Variants in FAR2 observed in about 807,000 individuals in gnomAD.
FAR2 encodes fatty acyl-CoA reductase 2, also known as epididymis secretory protein Li 81.
In FAR2, 19 loss-of-function variants were observed where a neutral mutation model predicts 56.0. The observed-to-expected ratio is 0.34, with a 90% confidence interval of 0.24 to 0.50. FAR2 has a LOEUF of 0.50. Among genes scored for constraint, FAR2 ranks in the 20% least tolerant of loss-of-function variants. The pLI is 0.98. For missense variants in FAR2, 508 were observed against 642.2 expected (o/e 0.79, Z 2.26); for synonymous variants, 219 against 218.8 (o/e 1.00, Z -0.01).
At chr12:29,325,651 C>A (rs1239106295) in intron 10 of FAR2, among the ~76,000 whole-genome samples, 1 of 152,150 alleles carries the variant, frequency 6.6e-6, no homozygotes, top group Non-Finnish European at 1.5e-5. Flanking sequence ...TCAGTGACTA[C>A]TGGGTACATA....
chr12:29,169,743 T>C (rs942054453), intron 1 of FAR2, among the ~76,000 whole-genome samples: 1 of 152,172 alleles, frequency 6.6e-6, no homozygotes, highest in African/African-American at 2.4e-5. Flanking sequence ...AGAGTAAGGA[T>C]AGATTTTGTT....
chr12:29,182,720 A>G (rs1439194596), intron 1 of FAR2, among the ~76,000 whole-genome samples: 1 of 152,200 alleles, frequency 6.6e-6, no homozygotes, highest in African/African-American at 2.4e-5. Context: ...TAGTTGGGCC[A>G]AGAGTGGATG....
chr12:29,239,718 C>A (rs1265322959), intron 1 of FAR2, among the ~76,000 whole-genome samples: 1 of 152,098 alleles, frequency 6.6e-6, no homozygotes, highest in African/African-American at 2.4e-5. Flanking sequence ...TATCCTTCAA[C>A]AATGTAATAA....
chr12:29,256,871 C>T (rs933678256), intron 1 of FAR2, among the ~76,000 whole-genome samples: 1 of 152,258 alleles, frequency 6.6e-6, no homozygotes, highest in African/African-American at 2.4e-5. Context: ...GCCTTAGCTG[C>T]CTTCCTGTGG....
At chr12:29,167,921 GA>G (rs1327996195) in intron 1 of FAR2, among the ~76,000 whole-genome samples, 1 of 152,212 alleles carries the variant, frequency 6.6e-6, no homozygotes, top group Non-Finnish European at 1.5e-5. Flanking sequence ...TAAGGATAGT[GA>G]TGGGAATTGT....
At chr12:29,236,845 A>G (rs1224572030) in intron 1 of FAR2, among the ~76,000 whole-genome samples, 1 of 151,314 alleles carries the variant, frequency 6.6e-6, no homozygotes, top group African/African-American at 2.4e-5. Context: ...ATTTTGAAAT[A>G]TAAGAAAACC....
intron 1 of FAR2, among the ~76,000 whole-genome samples, chr12:29,259,012 A>T (rs1436501598): frequency 6.6e-6 from 1 of 152,244 alleles, no homozygotes; most frequent in Non-Finnish European, 1.5e-5. Flanking sequence ...TGAATGATTT[A>T]TCATAAAGTA....
chr12:29,241,956 C>G (rs191283766), intron 1 of FAR2, among the ~76,000 whole-genome samples: 1 of 152,198 alleles, frequency 6.6e-6, no homozygotes, highest in Non-Finnish European at 1.5e-5. Context: ...TCACCTCAGC[C>G]CATGTATTCT....
Position 29,302,375 on chromosome 12 carries a change from T to G in FAR2, c.545+5175T>G, listed in dbSNP as rs550828633. Among the ~76,000 whole-genome samples, 95 of 150,268 alleles carry G rather than the reference T, an allele frequency of 6.3e-4. No homozygotes were observed. In the South Asian group the frequency reaches 0.018, roughly 29 times the overall value. On this transcript the variant is annotated intron_variant, in intron 4 of 11. Coordinates refer to ENST00000536681, the MANE Select transcript of FAR2 (RefSeq NM_001271783.2). ...GGGAAACAGGTCATATTAAGTCTGGTGGAGTGGAGGGAGGCATATGAGAAG... is the reference window on the plus strand; with the variant it reads ...GGGAAACAGGTCATATTAAGTCTGGGGGAGTGGAGGGAGGCATATGAGAAG...
At chr12:29,325,965 T>C (rs887747177) in intron 10 of FAR2, among the ~76,000 whole-genome samples, 11 of 152,146 alleles carry the variant, frequency 7.2e-5, no homozygotes, top group African/African-American at 2.7e-4. Flanking sequence ...ATCCAGGAGC[T>C]GGTTTTTTGA....
In FAR2 at chr12:29,238,386, T is replaced by C. The variant is rs117608219; in HGVS notation, c.-38-32026T>C. On this transcript the variant is annotated intron_variant, in intron 1 of 11. Coordinates refer to ENST00000536681, the MANE Select transcript of FAR2 (RefSeq NM_001271783.2). Reference sequence around the variant, plus strand: ...AGTGCCAATTTTCTCTCTCTCTGTATATATGTATTTTATCTTGGAAAATAT... The same window carrying C: ...AGTGCCAATTTTCTCTCTCTCTGTACATATGTATTTTATCTTGGAAAATAT... Among the ~76,000 whole-genome samples, 61 of 152,294 alleles carry C rather than the reference T, an allele frequency of 4.0e-4. 1 individual carries two copies. In the East Asian group the frequency reaches 0.012, roughly 29 times the overall value.
intron 1 of FAR2, among the ~76,000 whole-genome samples, chr12:29,256,800 A>C (rs963788152): frequency 1.3e-5 from 2 of 152,206 alleles, no homozygotes; most frequent in Admixed American, 1.3e-4. Flanking sequence ...GCTGCCGAGG[A>C]GGGTGTACTG....
chr12:29,277,181 G>A (rs1948714010), intron 2 of FAR2, among the ~76,000 whole-genome samples: 1 of 152,026 alleles, frequency 6.6e-6, no homozygotes, highest in African/African-American at 2.4e-5. Context: ...TTTCACCATC[G>A]TGGCCAGGCT....
At chr12:29,276,474 G>T (rs2136716905) in intron 2 of FAR2, among the ~76,000 whole-genome samples, 1 of 152,250 alleles carries the variant, frequency 6.6e-6, no homozygotes, top group South Asian at 2.1e-4. Context: ...CAAGCCATTA[G>T]CTATGCAAAT....
intron 1 of FAR2, among the ~76,000 whole-genome samples, chr12:29,250,075 T>A (rs11050151): frequency 0.39 from 59,104 of 152,020 alleles, 11,749 homozygotes; most frequent in African/African-American, 0.47. Context: ...GATTCATTCA[T>A]TCATTGATTC....
chr12:29,268,236 T>C (rs1948551668), intron 1 of FAR2, among the ~76,000 whole-genome samples: 1 of 152,182 alleles, frequency 6.6e-6, no homozygotes. Context: ...CTGGAGCTGT[T>C]CTGCAGGATC....
chr12:29,214,519 T>C (rs963486609), intron 1 of FAR2, among the ~76,000 whole-genome samples: 1 of 151,972 alleles, frequency 6.6e-6, no homozygotes, highest in African/African-American at 2.4e-5. Flanking sequence ...AACATGAACA[T>C]GAATAAGAAC....
At chr12:29,275,921 G>C (rs752403269) in intron 2 of FAR2, among the ~76,000 whole-genome samples, 1 of 152,126 alleles carries the variant, frequency 6.6e-6, no homozygotes, top group Admixed American at 6.5e-5. Context: ...GCTATTTACT[G>C]TCAGCTGTTG....
At chr12:29,316,700 A>G (rs1337813806) in intron 8 of FAR2, 141 bp from the exon 9 acceptor site, 14 of 817,146 alleles carry the variant, frequency 1.7e-5, no homozygotes, top group Non-Finnish European at 2.7e-5. Context: ...AAAAATCTTT[A>G]TATTGTTCTC....
Sources: allele counts gnomAD v4.1 joint callset (sites outside exome capture counted in the v4.1 genomes callset), GRCh38; gene constraint gnomAD v4.1.1; transcripts MANE v1.5; gene names NCBI Gene and HGNC (gene_info 2026-07-23, HGNC 2026-07-21).